The following AMPH variants were observed in gnomAD, a reference collection of about 807,000 sequenced individuals.
AMPH encodes the protein amphiphysin (Stiff-Mann syndrome with breast cancer 128kD autoantigen).
AMPH carries 49 observed loss-of-function variants against 99.1 expected under a neutral mutation model. The ratio of observed to expected loss-of-function variants is 0.49; its 90% confidence interval spans 0.39 to 0.63. The LOEUF (loss-of-function observed/expected upper bound fraction) is 0.63. AMPH is among the 20% of genes least tolerant of loss of function. The pLI, the probability that AMPH is intolerant of heterozygous loss-of-function variation, is 0.00. For missense variants in AMPH, 759 were observed against 863.4 expected (o/e 0.88, Z 1.52); for synonymous variants, 314 against 317.3 (o/e 0.99, Z 0.11).
chr7:38,491,008 A>G (rs1434115361), intron 5 of AMPH, 42 bp downstream of exon 5: 1 of 1,298,524 alleles, frequency 7.7e-7, no homozygotes, highest in Non-Finnish European at 1.1e-6. Context: ...TAACTACATG[A>G]CCCCACTCAA....
intron 1 of AMPH, among the ~76,000 whole-genome samples, chr7:38,595,497 T>C (rs1260225023): frequency 4.6e-5 from 7 of 152,196 alleles, no homozygotes; most frequent in Non-Finnish European, 7.4e-5. Context: ...TGTGGAGAAG[T>C]GCAAGAATCC....
chr7:38,412,236 G>A (rs1167819476), intron 17 of AMPH, among the ~76,000 whole-genome samples: 1 of 152,182 alleles, frequency 6.6e-6, no homozygotes, highest in African/African-American at 2.4e-5. Flanking sequence ...TATTTTATGT[G>A]AATTTCACCT....
chr7:38,464,587 T>G (rs1410006165), intron 9 of AMPH, among the ~76,000 whole-genome samples: 1 of 152,182 alleles, frequency 6.6e-6, no homozygotes, highest in African/African-American at 2.4e-5. Context: ...AATAAGTGTT[T>G]GTATTAAAAT....
chr7:38,409,208 G>C (rs952693988), intron 17 of AMPH, among the ~76,000 whole-genome samples: 1 of 152,192 alleles, frequency 6.6e-6, no homozygotes, highest in African/African-American at 2.4e-5. Context: ...CGGGAATTCT[G>C]GCTGCAGGGC....
chr7:38,433,045 T>C (rs1261774858), intron 12 of AMPH, among the ~76,000 whole-genome samples: 2 of 152,204 alleles, frequency 1.3e-5, no homozygotes, highest in Non-Finnish European at 2.9e-5. Context: ...CCCATGTCTT[T>C]GTGACTAGAA....
At chr7:38,450,625 C>G (rs1188324750) in intron 11 of AMPH, among the ~76,000 whole-genome samples, 1 of 152,166 alleles carries the variant, frequency 6.6e-6, no homozygotes, top group Non-Finnish European at 1.5e-5. Flanking sequence ...GTGTTGTGAG[C>G]ATGAAGATGG....
chr7:38,428,905 T>A (rs1331086427), intron 14 of AMPH: 2 of 844,580 alleles, frequency 2.4e-6, no homozygotes, highest in Admixed American at 4.7e-5. Flanking sequence ...TCTTTTCTAG[T>A]TTCCACTTCA....
At chr7:38,524,045 G>A in intron 2 of AMPH, among the ~76,000 whole-genome samples, 1 of 152,150 alleles carries the variant, frequency 6.6e-6, no homozygotes, top group East Asian at 1.9e-4. Context: ...ATTACAAAGT[G>A]ATAAAAGTTA....
intron 13 of AMPH, chr7:38,431,977 C>G: frequency 1.6e-6 from 1 of 644,426 alleles, no homozygotes. Context: ...ATTATTCACC[C>G]AGGAGTCTGG....
At chr7:38,415,860 A>G (rs1785367513) in intron 17 of AMPH, among the ~76,000 whole-genome samples, 1 of 152,048 alleles carries the variant, frequency 6.6e-6, no homozygotes, top group South Asian at 2.1e-4. Context: ...GATCTCAGGA[A>G]GTGCCTGAAT....
chr7:38,468,920 C>T (rs1298737505), intron 7 of AMPH, among the ~76,000 whole-genome samples: 1 of 66,588 alleles, frequency 1.5e-5, no homozygotes, highest in African/African-American at 7.0e-5. Context: ...TTTGGGAGGC[C>T]GAGGCGGGTG....
chr7:38,433,464 G>A (rs1229570517), intron 12 of AMPH, among the ~76,000 whole-genome samples: 3 of 152,060 alleles, frequency 2.0e-5, no homozygotes, highest in African/African-American at 7.2e-5. Context: ...GGTGGCTCAC[G>A]CCTGTAATCC....
In AMPH at chr7:38,534,918, C is replaced by T; in HGVS notation, c.150+13G>A. ...ACAATTTCCCACTCCAGAAACTAAA[C>T]AAATGGACTCACTTCTTGCCGTTTG... On this transcript the variant is annotated intron_variant, in intron 2 of 20. Coordinates refer to ENST00000356264, the MANE Select transcript of AMPH (RefSeq NM_001635.4). 1 of 1,610,900 alleles carries T rather than the reference C, an allele frequency of 6.2e-7. No individual in the cohort carries two copies. The highest frequency in any genetic ancestry group is 8.5e-7 in the Non-Finnish European group (1 of 1,177,356).
chr7:38,405,704 A>G (rs564600076), intron 17 of AMPH, among the ~76,000 whole-genome samples: 2 of 152,290 alleles, frequency 1.3e-5, no homozygotes, highest in East Asian at 3.9e-4. Context: ...CCAACACCAG[A>G]GCACCCAGAT....
chr7:38,613,239 C>G (rs17415102), intron 1 of AMPH, among the ~76,000 whole-genome samples: 5,610 of 152,256 alleles, frequency 0.037, 169 homozygotes, highest in Admixed American at 0.079. Flanking sequence ...GTAATTCTAG[C>G]ATTTCAGCTT....
chr7:38,542,257 CA>C (rs1239660626), intron 1 of AMPH, among the ~76,000 whole-genome samples: 1 of 152,120 alleles, frequency 6.6e-6, no homozygotes, highest in Non-Finnish European at 1.5e-5. Flanking sequence ...TACCAAAATC[CA>C]GTGGAAGTCT....
intron 11 of AMPH, among the ~76,000 whole-genome samples, chr7:38,446,770 A>G (rs1786800597): frequency 6.6e-6 from 1 of 152,224 alleles, no homozygotes; most frequent in African/African-American, 2.4e-5. Flanking sequence ...AAACATGTAC[A>G]GTTTATTGTA....
At position 38,613,830 on chromosome 7, in the gene AMPH, G is replaced by T. The variant is rs1483392894; in HGVS notation, c.69+17453C>A. The stretch of plus-strand genomic sequence containing the variant: ...AAAAAAAAAAAAAATAGCAGCTTCT[G>T]TAGATATAGAAGTCTCCTGCTTCCT... On this transcript the variant is annotated intron_variant, in intron 1 of 20. Coordinates refer to ENST00000356264, the MANE Select transcript of AMPH (RefSeq NM_001635.4). Among the ~76,000 whole-genome samples the T allele has an allele frequency of 2.0e-5, 3 of 150,632 alleles. No homozygotes were observed. In the South Asian group the frequency reaches 6.3e-4, roughly 31 times the overall value.
At chr7:38,589,361 A>T (rs1326737940) in intron 1 of AMPH, among the ~76,000 whole-genome samples, 1 of 152,206 alleles carries the variant, frequency 6.6e-6, no homozygotes, top group Non-Finnish European at 1.5e-5. Flanking sequence ...CGAATTCCTC[A>T]TTCCATCTCT....
Sources: allele counts gnomAD v4.1 joint callset (sites outside exome capture counted in the v4.1 genomes callset), GRCh38; gene constraint gnomAD v4.1.1; transcripts MANE v1.5; gene names NCBI Gene and HGNC (gene_info 2026-07-23, HGNC 2026-07-21).